KCNH1: variants seen among roughly 807,000 people sequenced by gnomAD.
KCNH1 encodes the protein voltage-gated delayed rectifier potassium channel KCNH1.
In KCNH1, 27 loss-of-function variants were observed where a neutral mutation model predicts 69.2. The ratio of observed to expected loss-of-function variants is 0.39; its 90% confidence interval spans 0.29 to 0.54. The LOEUF (loss-of-function observed/expected upper bound fraction) is 0.54. KCNH1 is among the 20% of genes least tolerant of loss of function. The pLI, the probability that KCNH1 is intolerant of heterozygous loss-of-function variation, is 0.68. For missense variants in KCNH1, 798 were observed against 1,261.6 expected (o/e 0.63, Z 5.57); for synonymous variants, 456 against 487.7 (o/e 0.93, Z 0.86).
chr1:210,728,254 C>A (rs1358135602), intron 10 of KCNH1, among the ~76,000 whole-genome samples: 1 of 152,128 alleles, frequency 6.6e-6, no homozygotes, highest in East Asian at 1.9e-4. Context: ...TGTCATTGTG[C>A]CCTCTTTAGT....
intron 6 of KCNH1, among the ~76,000 whole-genome samples, chr1:211,009,418 G>C (rs1689352280): frequency 6.6e-6 from 1 of 152,060 alleles, no homozygotes; most frequent in Non-Finnish European, 1.5e-5. Context: ...GGTATGTGGA[G>C]AGAGCTTTAT....
At chr1:210,994,055 T>C (rs1017719090) in intron 6 of KCNH1, among the ~76,000 whole-genome samples, 2 of 152,174 alleles carry the variant, frequency 1.3e-5, no homozygotes, top group Non-Finnish European at 2.9e-5. Flanking sequence ...GTTTAAAATG[T>C]AATAAAAAAA....
intron 7 of KCNH1, among the ~76,000 whole-genome samples, chr1:210,898,313 T>C (rs776084042): frequency 3.9e-5 from 6 of 152,176 alleles, no homozygotes; most frequent in Non-Finnish European, 8.8e-5. Flanking sequence ...CAAAAAAATA[T>C]GCCATTTAAT....
chr1:211,070,692 C>T (rs747873992), intron 5 of KCNH1, among the ~76,000 whole-genome samples: 3 of 151,352 alleles, frequency 2.0e-5, no homozygotes, highest in Non-Finnish European at 4.4e-5. Flanking sequence ...GGCATGGTGA[C>T]GGGTGCCTGT....
rs567652661 is a variant in KCNH1 at position 210,898,364 on chromosome 1, C to T, written c.1462+21276G>A. 5.3e-5 allele frequency among the ~76,000 whole-genome samples: 8 copies of T among 152,262 alleles called. No homozygotes were observed. The South Asian group carries it at 1.7e-3, about 32-fold the overall frequency. ...AATAAATATTTATAAACCTCAGCCC[C>T]ACAGAAGGTACAGAAACATTAACAG... On this transcript the variant is annotated intron_variant, in intron 7 of 10. Transcript: ENST00000271751.
At chr1:211,051,712 G>T (rs924226294) in intron 5 of KCNH1, among the ~76,000 whole-genome samples, 1 of 152,100 alleles carries the variant, frequency 6.6e-6, no homozygotes. Context: ...ATCCAAAGAG[G>T]CAACAAAAAG....
chr1:210,995,947 C>T (rs1381138013), intron 6 of KCNH1, among the ~76,000 whole-genome samples: 8 of 152,012 alleles, frequency 5.3e-5, no homozygotes, highest in African/African-American at 9.7e-5. Flanking sequence ...AAAAGTATCT[C>T]GAGTAAAGGA....
intron 6 of KCNH1, among the ~76,000 whole-genome samples, chr1:210,959,157 C>G (rs756910388): frequency 3.9e-5 from 6 of 152,186 alleles, no homozygotes; most frequent in African/African-American, 7.2e-5. Flanking sequence ...AGTTTTCCTT[C>G]TAACAGTCAG....
intron 7 of KCNH1, among the ~76,000 whole-genome samples, chr1:210,892,691 G>T (rs1456479396): frequency 6.6e-6 from 1 of 152,102 alleles, no homozygotes; most frequent in African/African-American, 2.4e-5. Context: ...ACTAAAGTTT[G>T]GACAATAATA....
intron 8 of KCNH1, among the ~76,000 whole-genome samples, chr1:210,798,774 T>G (rs978840538): frequency 2.0e-5 from 3 of 152,196 alleles, no homozygotes; most frequent in African/African-American, 7.2e-5. Context: ...GGGAAGCAGT[T>G]AAATTTAGAA....
intron 10 of KCNH1, among the ~76,000 whole-genome samples, chr1:210,714,970 G>C (rs1376366671): frequency 1.3e-5 from 2 of 152,172 alleles, no homozygotes; most frequent in African/African-American, 4.8e-5. Context: ...CCATGGTGAT[G>C]TCTGACCGGC....
intron 7 of KCNH1, among the ~76,000 whole-genome samples, chr1:210,894,534 CT>C (rs1244235930): frequency 6.6e-6 from 1 of 152,182 alleles, no homozygotes; most frequent in Non-Finnish European, 1.5e-5. Flanking sequence ...TCTGCAGTAT[CT>C]TCCTAGTTTT....
chr1:210,976,339 TG>T (rs1231549535), intron 6 of KCNH1, among the ~76,000 whole-genome samples: 1 of 146,138 alleles, frequency 6.8e-6, no homozygotes, highest in Non-Finnish European at 1.5e-5. Flanking sequence ...AGCAAAGACT[TG>T]GAACCAACCC....
At chr1:210,930,571 C>T (rs1467047696) in intron 6 of KCNH1, among the ~76,000 whole-genome samples, 1 of 152,060 alleles carries the variant, frequency 6.6e-6, no homozygotes, top group East Asian at 1.9e-4. Flanking sequence ...GACCCAAAAC[C>T]ATAAAGAGTC....
chr1:211,013,672 T>C (rs780814268), intron 6 of KCNH1, among the ~76,000 whole-genome samples: 7 of 152,190 alleles, frequency 4.6e-5, no homozygotes, highest in Non-Finnish European at 7.3e-5. Context: ...GTCCCTTTCA[T>C]CTGCAAAACC....
chr1:211,127,554 A>G (rs1691803152), intron 1 of KCNH1, among the ~76,000 whole-genome samples: 1 of 152,156 alleles, frequency 6.6e-6, no homozygotes, highest in South Asian at 2.1e-4. Context: ...ACTTCAACCC[A>G]CAGTGGATAC....
At chr1:210,900,571 C>G (rs1257652667) in intron 7 of KCNH1, among the ~76,000 whole-genome samples, 1 of 152,104 alleles carries the variant, frequency 6.6e-6, no homozygotes, top group East Asian at 1.9e-4. Flanking sequence ...TGGGCATAGG[C>G]AGGGAAAATA....
intron 6 of KCNH1, among the ~76,000 whole-genome samples, chr1:211,015,984 C>T (rs963911959): frequency 1.3e-5 from 2 of 152,092 alleles, no homozygotes; most frequent in Non-Finnish European, 2.9e-5. Context: ...TATTTATGAC[C>T]AACAGGTGAT....
At chr1:210,935,375 G>A (rs543413553) in intron 6 of KCNH1, among the ~76,000 whole-genome samples, 4 of 152,130 alleles carry the variant, frequency 2.6e-5, no homozygotes, top group Admixed American at 6.5e-5. Context: ...AAGGGGAGAG[G>A]GAATAGGGAG....
Sources: allele counts gnomAD v4.1 joint callset (sites outside exome capture counted in the v4.1 genomes callset), GRCh38; gene constraint gnomAD v4.1.1; transcripts MANE v1.5; gene names NCBI Gene and HGNC (gene_info 2026-07-23, HGNC 2026-07-21).